Variants in CNTNAP2 observed in about 807,000 individuals in gnomAD.
CNTNAP2 encodes contactin-associated protein-like 2.
CNTNAP2 carries 98 observed loss-of-function variants against 155.2 expected under a neutral mutation model. That is an observed-to-expected ratio of 0.63 (90% confidence interval 0.54 to 0.75). The LOEUF is 0.75. Among genes scored for constraint, CNTNAP2 ranks in the 30% least tolerant of loss-of-function variants. The pLI is 0.00. For synonymous variants in CNTNAP2, 651 were observed against 631.2 expected (o/e 1.03, Z -0.47); for missense variants, 1,727 against 1,688.1 (o/e 1.02, Z -0.40).
At chr7:146,328,169 G>A (rs767991980) in intron 1 of CNTNAP2, among the ~76,000 whole-genome samples, 2 of 152,116 alleles carry the variant, frequency 1.3e-5, no homozygotes, top group African/African-American at 2.4e-5. Flanking sequence ...ATAGGAGCAC[G>A]AACCCTATGG....
chr7:147,193,128 A>G (rs1259931854), intron 8 of CNTNAP2, among the ~76,000 whole-genome samples: 1 of 152,240 alleles, frequency 6.6e-6, no homozygotes, highest in Admixed American at 6.5e-5. Context: ...ACTCGTTGCT[A>G]TTAGTAATTA....
chr7:147,948,679 G>A (rs976350918), intron 14 of CNTNAP2, among the ~76,000 whole-genome samples: 2 of 149,574 alleles, frequency 1.3e-5, no homozygotes, highest in Non-Finnish European at 3.0e-5. Flanking sequence ...GTGTGTGTGT[G>A]TATATATATA....
intron 1 of CNTNAP2, among the ~76,000 whole-genome samples, chr7:146,567,743 C>T (rs1288189204): frequency 2.0e-5 from 3 of 152,018 alleles, no homozygotes; most frequent in East Asian, 3.9e-4. Flanking sequence ...TTTTGGGGGA[C>T]GGAGTCTCGC....
At chr7:147,336,067 G>C (rs1032714926) in intron 9 of CNTNAP2, among the ~76,000 whole-genome samples, 2 of 152,110 alleles carry the variant, frequency 1.3e-5, no homozygotes, top group South Asian at 4.1e-4. Context: ...TAGAGTCAAA[G>C]AGAATATAGA....
intron 1 of CNTNAP2, among the ~76,000 whole-genome samples, chr7:146,761,301 G>T (rs1802093677): frequency 9.3e-6 from 1 of 107,776 alleles, no homozygotes; most frequent in East Asian, 2.0e-4. Context: ...AAGGAAGGAA[G>T]GAAGGAAGGA....
intron 14 of CNTNAP2, among the ~76,000 whole-genome samples, chr7:147,905,806 C>T (rs970059086): frequency 6.6e-6 from 1 of 152,054 alleles, no homozygotes; most frequent in Non-Finnish European, 1.5e-5. Context: ...ATCGCTTGAA[C>T]CCAGGAGGCG....
chr7:146,415,320 T>A (rs1254756891), intron 1 of CNTNAP2, among the ~76,000 whole-genome samples: 1 of 152,190 alleles, frequency 6.6e-6, no homozygotes, highest in South Asian at 2.1e-4. Context: ...TATTTGTGTT[T>A]TTCTGTTATT....
rs548703039 is a variant in CNTNAP2, at chr7:147,063,562, A to T, written c.550+19508A>T. 7.9e-5 allele frequency among the ~76,000 whole-genome samples: 12 copies of T among 152,246 alleles called. No homozygotes were observed. In the South Asian group the frequency reaches 2.5e-3, roughly 32 times the overall value. ...ATGCCCAGTGGAACTATGAAGGAGC[A>T]TATTGGGCCCAAGAAAGTAAAGAAT... is the stretch of plus-strand genomic sequence containing the variant. On this transcript the variant is annotated intron_variant, in intron 4 of 23. Coordinates refer to ENST00000361727, the MANE Select transcript of CNTNAP2 (RefSeq NM_014141.6).
chr7:147,056,651 A>C (rs1799566919), intron 4 of CNTNAP2, among the ~76,000 whole-genome samples: 1 of 152,226 alleles, frequency 6.6e-6, no homozygotes, highest in African/African-American at 2.4e-5. Flanking sequence ...GAACAAAAGC[A>C]AGGTTAGTAA....
chr7:147,366,138 G>C (rs1420655884), intron 9 of CNTNAP2, among the ~76,000 whole-genome samples: 1 of 152,090 alleles, frequency 6.6e-6, no homozygotes, highest in African/African-American at 2.4e-5. Flanking sequence ...GGCTATTCAG[G>C]CGTGCTGTTC....
At chr7:146,623,312 G>T (rs148178412) in intron 1 of CNTNAP2, among the ~76,000 whole-genome samples, 2 of 151,906 alleles carry the variant, frequency 1.3e-5, no homozygotes, top group Admixed American at 6.6e-5. Context: ...ATATATTAAG[G>T]TTTTCTCTTC....
intron 1 of CNTNAP2, among the ~76,000 whole-genome samples, chr7:146,406,488 T>A (rs186960828): frequency 2.6e-5 from 4 of 152,314 alleles, no homozygotes; most frequent in African/African-American, 9.6e-5. Flanking sequence ...TTCTTCCTGG[T>A]GTGGTTTATT....
intron 21 of CNTNAP2, among the ~76,000 whole-genome samples, chr7:148,291,734 A>C (rs1369909069): frequency 6.6e-6 from 1 of 152,220 alleles, no homozygotes. Context: ...CGTATGTTAA[A>C]TAGTTTCATT....
At chr7:146,689,813 A>G (rs556229001) in intron 1 of CNTNAP2, among the ~76,000 whole-genome samples, 15 of 152,228 alleles carry the variant, frequency 9.9e-5, no homozygotes, top group African/African-American at 3.6e-4. Context: ...TGAATATACT[A>G]CATTTTATCA....
intron 3 of CNTNAP2, among the ~76,000 whole-genome samples, chr7:146,922,018 A>C (rs546095409): frequency 4.7e-4 from 71 of 152,258 alleles, no homozygotes; most frequent in African/African-American, 1.6e-3. Context: ...ACTGCCACCC[A>C]TAATAGAAAA....
chr7:147,414,432 TAAAAAAAAAAAA>T (rs55692955), intron 10 of CNTNAP2, among the ~76,000 whole-genome samples: 1 of 121,942 alleles, frequency 8.2e-6, no homozygotes, highest in Non-Finnish European at 1.7e-5. Context: ...TCAAAAACAT[TAAAAAAAAAAAA>T]AAAAAAAGGA....
chr7:147,006,381 A>G (rs1798524080), intron 3 of CNTNAP2, among the ~76,000 whole-genome samples: 1 of 152,030 alleles, frequency 6.6e-6, no homozygotes. Context: ...TTACAAATAG[A>G]AATCTCCTTT....
intron 13 of CNTNAP2, among the ~76,000 whole-genome samples, chr7:147,826,813 A>G (rs1369877771): frequency 2.6e-5 from 4 of 152,194 alleles, no homozygotes; most frequent in Non-Finnish European, 4.4e-5. Context: ...AGAATTTCCC[A>G]TTACAGTAAA....
intron 1 of CNTNAP2, among the ~76,000 whole-genome samples, chr7:146,274,817 C>T (rs1800138825): frequency 6.6e-6 from 1 of 152,144 alleles, no homozygotes; most frequent in African/African-American, 2.4e-5. Flanking sequence ...AACAGTTAAC[C>T]TACATTTCGA....
Sources: gnomAD v4.1 joint callset for allele counts (sites outside exome capture counted in the v4.1 genomes callset) on GRCh38, gnomAD v4.1.1 for gene constraint, MANE v1.5 for transcripts, NCBI Gene and HGNC (gene_info 2026-07-23, HGNC 2026-07-21) for gene names.